CDC27: variants seen among roughly 807,000 people sequenced by gnomAD.
CDC27 encodes the protein cell division cycle protein 27 homolog.
Under a neutral mutation model 109.7 loss-of-function variants are expected in CDC27, and 27 were observed. The ratio of observed to expected loss-of-function variants is 0.25; its 90% CI spans 0.18 to 0.34. The LOEUF is 0.34. Among genes scored for constraint, CDC27 ranks in the 10% least tolerant of loss-of-function variants. The pLI is 1.00. For missense variants in CDC27, 579 were observed against 960.2 expected, an observed-to-expected ratio of 0.60 and a Z score of 5.25; for synonymous variants, 266 against 333.9, an observed-to-expected ratio of 0.80 and a Z score of 2.22.
intron 1 of CDC27, among the ~76,000 whole-genome samples, chr17:47,185,684 G>A (rs2064408989): frequency 6.6e-6 from 1 of 152,106 alleles, no homozygotes; most frequent in Non-Finnish European, 1.5e-5. Flanking sequence ...TTACAAGCGT[G>A]AGCCACTGTG....
In CDC27 at chr17:47,148,854, C is replaced by G. The variant is rs190417159; in HGVS notation, c.1070+2952G>C. On this transcript the variant is annotated intron_variant, in intron 9 of 18. Coordinates refer to ENST00000066544, the MANE Select transcript of CDC27 (RefSeq NM_001256.6). ...CAGCACTTTGGGAGGCCAAGATGGG[C>G]GATCACCTGAGGTCAGGAATTCAAG... is the stretch of plus-strand genomic sequence containing the variant. Among the ~76,000 whole-genome samples the G allele has an allele frequency of 2.4e-3, 367 of 151,636 alleles. 1 individual carries two copies. Among genetic ancestry groups the G allele is most frequent in the Non-Finnish European group, 4.2e-3 (283 of 67,840 alleles).
chr17:47,124,246 T>C (rs1056352519), intron 16 of CDC27, among the ~76,000 whole-genome samples: 4 of 147,214 alleles, frequency 2.7e-5, no homozygotes, highest in Non-Finnish European at 4.5e-5. Flanking sequence ...TAACAATCCT[T>C]GCTTTTGGTC....
At chr17:47,161,253 G>T (rs1783926822) in intron 4 of CDC27, 1 of 151,440 alleles carries the variant, frequency 6.6e-6, no homozygotes, top group African/African-American at 2.4e-5. Context: ...CTCAAACCTG[G>T]GATTACAGGT....
chr17:47,147,653 T>G (rs1284961097), intron 9 of CDC27, among the ~76,000 whole-genome samples: 1 of 151,602 alleles, frequency 6.6e-6, no homozygotes, highest in Non-Finnish European at 1.5e-5. Context: ...CAGGACTGCT[T>G]CAGGCCCGGA....
At chr17:47,131,270 A>G (rs550037832) in intron 15 of CDC27, among the ~76,000 whole-genome samples, 25 of 152,370 alleles carry the variant, frequency 1.6e-4, no homozygotes, top group African/African-American at 6.0e-4. Context: ...AATTTTAAGT[A>G]GACACATTAT....
At chr17:47,182,543 C>A (rs1044101546) in intron 1 of CDC27, among the ~76,000 whole-genome samples, 1 of 152,190 alleles carries the variant, frequency 6.6e-6, no homozygotes, top group Admixed American at 6.6e-5. Flanking sequence ...CATATCATCT[C>A]TAAGCAGTAT....
chr17:47,154,201 CTTA>C (rs1292728889), intron 8 of CDC27, among the ~76,000 whole-genome samples: 1 of 150,980 alleles, frequency 6.6e-6, no homozygotes, highest in Non-Finnish European at 1.5e-5. Context: ...TACCAAAAAT[CTTA>C]TTATCAGAAA....
chr17:47,138,104 TTC>T (rs2062678037), intron 13 of CDC27, among the ~76,000 whole-genome samples: 3 of 152,190 alleles, frequency 2.0e-5, no homozygotes, highest in Middle Eastern at 3.4e-3. Context: ...CCCAGCAGCA[TTC>T]TCTCTTTTGT....
At chr17:47,182,762 T>C (rs952422827) in intron 1 of CDC27, among the ~76,000 whole-genome samples, 1 of 152,224 alleles carries the variant, frequency 6.6e-6, no homozygotes, top group African/African-American at 2.4e-5. Context: ...TTTTACAGCA[T>C]GTGGACATTT....
At chr17:47,179,702 T>C (rs539851451) in intron 2 of CDC27, among the ~76,000 whole-genome samples, 1 of 152,316 alleles carries the variant, frequency 6.6e-6, no homozygotes, top group South Asian at 2.1e-4. Context: ...CATATAAATA[T>C]GGTTAAACCG....
chr17:47,179,033 C>T (rs1265321105), intron 2 of CDC27, among the ~76,000 whole-genome samples: 1 of 152,162 alleles, frequency 6.6e-6, no homozygotes, highest in African/African-American at 2.4e-5. Context: ...AATTCCCAAC[C>T]TCAGGTGATC....
At chr17:47,182,435 G>A (rs562742361) in intron 1 of CDC27, among the ~76,000 whole-genome samples, 1 of 152,254 alleles carries the variant, frequency 6.6e-6, no homozygotes, top group Non-Finnish European at 1.5e-5. Context: ...TGTGTTCCTT[G>A]TTGATACCAA....
chr17:47,163,358 AG>A (rs1219340285), intron 4 of CDC27, among the ~76,000 whole-genome samples: 2 of 152,226 alleles, frequency 1.3e-5, no homozygotes, highest in African/African-American at 2.4e-5. Context: ...GGATTGGGGT[AG>A]GGTTGTTCCA....
At position 47,119,162 on chromosome 17, in the gene CDC27, A is replaced by G. The variant is rs1411838341; in HGVS notation, c.*1773T>C. On this transcript the variant is annotated 3_prime_UTR_variant, in exon 19 of 19. Transcript: ENST00000066544. ...TATTACAGAACTAATGGATAATACA[A>G]TAGCATACGTGTTAGAATCCAAGTG... The G allele has an allele frequency of 6.6e-6, 1 of 152,210 alleles. No homozygotes were observed. Among genetic ancestry groups the G allele is most frequent in the Non-Finnish European group, 1.5e-5 (1 of 68,040 alleles). The allele number at this position is 152,210 out of a possible 1,614,324, so 9.4% of individuals were successfully genotyped here. A position where few individuals can be genotyped will look rare whatever the true frequency, so the allele number is the denominator to read the frequency against.
chr17:47,123,948 C>A lies in CDC27; in HGVS notation c.2173G>T (p.Glu725Ter). ...ANEKYKSALQ[E>*]LEELKQIVPK... ...ACAATTTGTTTCAATTCTTCAAGTT[C>A]TTGTAAAGCAGACTGAAAAAGGCAA... is the stretch of plus-strand genomic sequence containing the variant. The change falls in exon 17 of 19, where the codon GAA becomes TAA. Residue 725 changes from glutamate (E) to a stop codon, truncating the protein, a stop_gained. Coordinates refer to ENST00000066544, the MANE Select transcript of CDC27 (RefSeq NM_001256.6). LOFTEE classifies it high-confidence loss of function. The A allele has an allele frequency of 1.3e-6, 2 of 1,595,120 alleles. No homozygotes were observed. Among genetic ancestry groups the A allele is most frequent in the South Asian group, 2.3e-5 (2 of 86,494 alleles).
chr17:47,176,944 G>A (rs1213609598), intron 2 of CDC27, among the ~76,000 whole-genome samples: 14 of 151,922 alleles, frequency 9.2e-5, no homozygotes, highest in Admixed American at 7.2e-4. Flanking sequence ...CCATTTGTAC[G>A]CATATATTTC....
intron 4 of CDC27, among the ~76,000 whole-genome samples, chr17:47,166,509 G>C (rs902450960): frequency 5.3e-5 from 8 of 151,920 alleles, no homozygotes; most frequent in Non-Finnish European, 1.2e-4. Flanking sequence ...CTTTTTTGGG[G>C]TCACTTTCGG....
chr17:47,160,222 TCTAG>T (rs2063457587), intron 4 of CDC27, among the ~76,000 whole-genome samples: 1 of 150,680 alleles, frequency 6.6e-6, no homozygotes, highest in African/African-American at 2.4e-5. Flanking sequence ...TTGCTGCCTC[TCTAG>T]CTTTTTTTTT....
chr17:47,170,927 C>G (rs1398019472), intron 3 of CDC27: 1 of 151,964 alleles, frequency 6.6e-6, no homozygotes, highest in Non-Finnish European at 1.5e-5. Flanking sequence ...ATAGTGAGAC[C>G]CCATCTATAC....
Sources: gnomAD v4.1 joint callset for allele counts (sites outside exome capture counted in the v4.1 genomes callset) on GRCh38, gnomAD v4.1.1 for gene constraint, MANE v1.5 for transcripts, NCBI Gene and HGNC (gene_info 2026-07-23, HGNC 2026-07-21) for gene names.